MEIKIN: variants seen among roughly 807,000 people sequenced by gnomAD.
MEIKIN encodes meiosis-specific kinetochore protein.
At chr5:131,850,114 A>G (rs2149614650) in intron 11 of MEIKIN, among the ~76,000 whole-genome samples, 1 of 152,184 alleles carries the variant, frequency 6.6e-6, no homozygotes, top group Non-Finnish European at 1.5e-5. Context: ...AAGAATATTT[A>G]GGAATTAACC....
intron 9 of MEIKIN, among the ~76,000 whole-genome samples, chr5:131,856,906 G>C (rs1750202960): frequency 6.6e-6 from 1 of 151,172 alleles, no homozygotes; most frequent in South Asian, 2.1e-4. Flanking sequence ...TGAGGCAGCA[G>C]AACTAAACTG....
intron 11 of MEIKIN, among the ~76,000 whole-genome samples, chr5:131,836,999 T>C (rs558478397): frequency 3.9e-5 from 6 of 152,206 alleles, no homozygotes; most frequent in African/African-American, 1.4e-4. Flanking sequence ...TTTCATAGTT[T>C]TGGGTTTTAT....
intron 11 of MEIKIN, among the ~76,000 whole-genome samples, chr5:131,849,385 A>G (rs770729286): frequency 7.2e-6 from 1 of 139,206 alleles, no homozygotes; most frequent in Non-Finnish European, 1.6e-5. Flanking sequence ...ATATAAAGAA[A>G]CCTCTTTTCT....
At position 131,836,503 on chromosome 5, in the gene MEIKIN, C is replaced by T. The variant is rs114405893; in HGVS notation, c.975+14761G>A. Among the ~76,000 whole-genome samples, 505 of 152,310 alleles carry T rather than the reference C, an allele frequency of 3.3e-3. 3 individuals carry two copies. Among genetic ancestry groups the T allele is most frequent in the African/African-American group, 0.01 (431 of 41,562 alleles). On this transcript the variant is annotated intron_variant, in intron 11 of 12. Coordinates refer to ENST00000442687, the MANE Select transcript of MEIKIN (RefSeq NM_001303622.2). ...TTTCCACAATGGTTGAACTAATTTA[C>T]ACTCGCAATAACAGTGTATGACTGT...
At chr5:131,907,346 C>A (rs150707783) in intron 8 of MEIKIN, among the ~76,000 whole-genome samples, 6 of 150,670 alleles carry the variant, frequency 4.0e-5, no homozygotes, top group Admixed American at 3.3e-4. Flanking sequence ...CAAATGAATT[C>A]GAAAACAATA....
intron 5 of MEIKIN, among the ~76,000 whole-genome samples, chr5:131,929,590 CTG>C (rs1751648147): frequency 1.3e-5 from 2 of 152,086 alleles, no homozygotes; most frequent in Non-Finnish European, 1.5e-5. Flanking sequence ...CATGGGAAAA[CTG>C]TGTGTCACTG....
chr5:131,936,673 C>T (rs1751783425), intron 4 of MEIKIN, among the ~76,000 whole-genome samples: 1 of 152,152 alleles, frequency 6.6e-6, no homozygotes, highest in Admixed American at 6.5e-5. Context: ...TGGGTCACTG[C>T]AACCTCCGCC....
intron 8 of MEIKIN, among the ~76,000 whole-genome samples, chr5:131,881,121 T>G (rs1313495132): frequency 6.6e-6 from 1 of 152,168 alleles, no homozygotes; most frequent in Non-Finnish European, 1.5e-5. Flanking sequence ...AGATTAGATA[T>G]TAGCCTGAAA....
At chr5:131,943,883 C>T (rs1185222009) in intron 3 of MEIKIN, among the ~76,000 whole-genome samples, 4 of 152,130 alleles carry the variant, frequency 2.6e-5, no homozygotes, top group African/African-American at 9.6e-5. Context: ...TATGGGAGGC[C>T]GTGGCGAGCA....
intron 11 of MEIKIN, among the ~76,000 whole-genome samples, chr5:131,823,355 T>C (rs906831257): frequency 6.6e-6 from 1 of 152,094 alleles, no homozygotes; most frequent in African/African-American, 2.4e-5. Flanking sequence ...TTTCTAGATT[T>C]CATAGGTGTG....
intron 7 of MEIKIN, 50 bp downstream of exon 7, chr5:131,916,836 A>G (rs540736290): frequency 2.5e-6 from 1 of 396,150 alleles, no homozygotes; most frequent in East Asian, 3.6e-5. Context: ...TATAACTATT[A>G]TAATACAGGG....
intron 11 of MEIKIN, among the ~76,000 whole-genome samples, chr5:131,849,629 C>T (rs1278510434): frequency 1.4e-5 from 2 of 145,822 alleles, no homozygotes; most frequent in East Asian, 2.0e-4. Flanking sequence ...TATAAAGAAA[C>T]CTCTTTTCTT....
rs982794509 is a variant in MEIKIN, at chr5:131,846,801, T to C, written c.975+4463A>G. Among the ~76,000 whole-genome samples the C allele has an allele frequency of 3.3e-5, 5 of 152,120 alleles. 1 individual carries two copies. Among genetic ancestry groups the C allele is most frequent in the South Asian group, 4.1e-4 (2 of 4,822 alleles). On this transcript the variant is annotated intron_variant, in intron 11 of 12. Transcript: ENST00000442687. ...ATGCCACTACACTCAGCCTGGGCAATAGAATGAGTTTCCATCTCAAAAAAA... is the reference window on the plus strand; with the variant it reads ...ATGCCACTACACTCAGCCTGGGCAACAGAATGAGTTTCCATCTCAAAAAAA...
intron 8 of MEIKIN, among the ~76,000 whole-genome samples, chr5:131,904,631 C>T (rs948558615): frequency 2.0e-5 from 3 of 152,088 alleles, no homozygotes; most frequent in African/African-American, 7.2e-5. Flanking sequence ...TCCAGCAATC[C>T]CATTATTGGG....
At chr5:131,896,512 G>T (rs973636532) in intron 8 of MEIKIN, among the ~76,000 whole-genome samples, 1 of 152,176 alleles carries the variant, frequency 6.6e-6, no homozygotes, top group Non-Finnish European at 1.5e-5. Context: ...TTGTGTGGGA[G>T]TCTAAGTCTC....
intron 6 of MEIKIN, among the ~76,000 whole-genome samples, chr5:131,917,175 C>T (rs961812563): frequency 2.0e-5 from 3 of 152,066 alleles, no homozygotes; most frequent in African/African-American, 7.2e-5. Context: ...AGTCTTTTCA[C>T]GTGTATTATC....
At position 131,854,500 on chromosome 5, in the gene MEIKIN, A is replaced by G. The variant is rs567690760; in HGVS notation, c.855+254T>C. Among the ~76,000 whole-genome samples, 7 of 152,270 alleles carry G rather than the reference A, an allele frequency of 4.6e-5. No individual in the cohort carries two copies. The South Asian group carries it at 8.3e-4, about 18-fold the overall frequency. On this transcript the variant is annotated intron_variant, in intron 10 of 12. Coordinates refer to ENST00000442687, the MANE Select transcript of MEIKIN (RefSeq NM_001303622.2). ...AAATTATAAATTTTATGTTATATATATTTCATCACAATTTTTAAAACTGAA... is the reference window on the plus strand; with the variant it reads ...AAATTATAAATTTTATGTTATATATGTTTCATCACAATTTTTAAAACTGAA...
intron 11 of MEIKIN, among the ~76,000 whole-genome samples, chr5:131,824,377 A>T (rs1187958685): frequency 2.0e-5 from 3 of 151,954 alleles, no homozygotes; most frequent in Middle Eastern, 3.4e-3. Flanking sequence ...AAACTTAGCC[A>T]GGTGTGGTGG....
chr5:131,891,147 A>G (rs1166598063), intron 8 of MEIKIN, among the ~76,000 whole-genome samples: 1 of 152,154 alleles, frequency 6.6e-6, no homozygotes, highest in Middle Eastern at 3.2e-3. Flanking sequence ...CTATGTGGTC[A>G]ATTTTGGAAT....
Sources: gnomAD v4.1 joint callset for allele counts (sites outside exome capture counted in the v4.1 genomes callset) on GRCh38, gnomAD v4.1.1 for gene constraint, MANE v1.5 for transcripts, NCBI Gene and HGNC (gene_info 2026-07-23, HGNC 2026-07-21) for gene names.